SLC8A3: variants seen among roughly 807,000 people sequenced by gnomAD.
SLC8A3 encodes the protein solute carrier family 8 member A3, also known as sodium/calcium exchanger 3.
In SLC8A3, 37 loss-of-function variants were observed where a neutral mutation model predicts 65.4. The observed-to-expected ratio is 0.57, with a 90% CI of 0.44 to 0.74. SLC8A3 has a LOEUF of 0.74. Ranked by LOEUF, SLC8A3 falls within the 30% of genes least tolerant of loss-of-function variation. The pLI, the probability that SLC8A3 is intolerant of heterozygous loss-of-function variation, is 0.00. For missense variants in SLC8A3, 1,112 were observed against 1,172.1 expected (o/e 0.95, Z 0.75); for synonymous variants, 461 against 444.5 (o/e 1.04, Z -0.47).
At chr14:70,140,902 C>T (rs766751454) in intron 2 of SLC8A3, among the ~76,000 whole-genome samples, 3 of 152,164 alleles carry the variant, frequency 2.0e-5, no homozygotes, top group Non-Finnish European at 2.9e-5. Context: ...AGACTATAAG[C>T]TACTTAAAAG....
intron 2 of SLC8A3, among the ~76,000 whole-genome samples, chr14:70,093,655 G>A (rs1891953655): frequency 6.6e-6 from 1 of 152,172 alleles, no homozygotes; most frequent in Admixed American, 6.5e-5. Flanking sequence ...TCAAGAACTG[G>A]CCTCATGCAC....
chr14:70,054,799 T>G (rs887425371), intron 3 of SLC8A3, among the ~76,000 whole-genome samples: 2 of 152,190 alleles, frequency 1.3e-5, no homozygotes, highest in African/African-American at 4.8e-5. Context: ...GTCCTTACTA[T>G]GTACACCGCC....
At chr14:70,148,012 A>G (rs1896042153) in intron 2 of SLC8A3, among the ~76,000 whole-genome samples, 1 of 152,202 alleles carries the variant, frequency 6.6e-6, no homozygotes, top group Non-Finnish European at 1.5e-5. Flanking sequence ...ACAATTTTTG[A>G]AGTTTATGAT....
At chr14:70,126,588 A>T (rs1894472418) in intron 2 of SLC8A3, among the ~76,000 whole-genome samples, 2 of 151,498 alleles carry the variant, frequency 1.3e-5, no homozygotes, top group Non-Finnish European at 1.5e-5. Flanking sequence ...ACACACACAC[A>T]CACACACACA....
chr14:70,080,482 T>C (rs1890957882), intron 2 of SLC8A3, among the ~76,000 whole-genome samples: 1 of 152,164 alleles, frequency 6.6e-6, no homozygotes, highest in Non-Finnish European at 1.5e-5. Flanking sequence ...TGTTGAAAAC[T>C]GCTCGCTACA....
chr14:70,140,325 C>T (rs935972654), intron 2 of SLC8A3, among the ~76,000 whole-genome samples: 3 of 152,202 alleles, frequency 2.0e-5, no homozygotes, highest in Admixed American at 6.5e-5. Flanking sequence ...TCACTGCACA[C>T]TTACAGCGGC....
At chr14:70,076,249 T>C (rs1421705994) in intron 2 of SLC8A3, among the ~76,000 whole-genome samples, 1 of 152,190 alleles carries the variant, frequency 6.6e-6, no homozygotes, top group African/African-American at 2.4e-5. Context: ...CACCACCTTG[T>C]CTGCCCGGTC....
chr14:70,110,685 T>C (rs1169078491), intron 2 of SLC8A3, among the ~76,000 whole-genome samples: 1 of 133,978 alleles, frequency 7.5e-6, no homozygotes, highest in African/African-American at 3.4e-5. Context: ...TTTTTTTTTT[T>C]TTTTTTTTTT....
intron 2 of SLC8A3, among the ~76,000 whole-genome samples, chr14:70,098,127 T>A (rs1306864002): frequency 6.6e-6 from 1 of 152,046 alleles, no homozygotes; most frequent in Non-Finnish European, 1.5e-5. Flanking sequence ...GAAAGGGAGA[T>A]CAGAGGTTCC....
chr14:70,167,485 C>G lies in SLC8A3; in HGVS notation c.938G>C (p.Arg313Pro). Residue 313 changes from arginine (R) to proline (P), a missense_variant, in exon 2 of 7, where the codon CGC becomes CCC. By Grantham distance (103) the Arg-to-Pro change is moderately radical. Coordinates refer to ENST00000356921, the MANE Select transcript of SLC8A3 (RefSeq NM_182932.3). ...CTTGAGAATCCGGATCATCTCTCTG[C>G]GGGACTCATCCACTTCCTTCCCTTC... ...PLEGKEVDES[R>P]REMIRILKDL... 1 of 1,614,058 alleles carries G rather than the reference C, an allele frequency of 6.2e-7. No individual in the cohort carries two copies. The highest frequency in any genetic ancestry group is 8.5e-7 in the Non-Finnish European group (1 of 1,180,010).
chr14:70,144,312 T>G (rs1226879873), intron 2 of SLC8A3, among the ~76,000 whole-genome samples: 5 of 50,510 alleles, frequency 9.9e-5, no homozygotes, highest in African/African-American at 4.9e-4. Context: ...CTTCCTGTTT[T>G]TTTTTTTTTT....
At chr14:70,134,626 C>T (rs1410573908) in intron 2 of SLC8A3, among the ~76,000 whole-genome samples, 1 of 152,170 alleles carries the variant, frequency 6.6e-6, no homozygotes, top group Admixed American at 6.5e-5. Flanking sequence ...CTGCTATCAC[C>T]TTAGTTCTGC....
intron 2 of SLC8A3, among the ~76,000 whole-genome samples, chr14:70,124,960 T>C (rs984589542): frequency 1.3e-5 from 2 of 152,240 alleles, no homozygotes; most frequent in African/African-American, 4.8e-5. Flanking sequence ...GTCTTTTATA[T>C]TAGTTTGAAA....
At chr14:70,137,148 TC>T (rs1325811964) in intron 2 of SLC8A3, among the ~76,000 whole-genome samples, 1 of 143,336 alleles carries the variant, frequency 7.0e-6, no homozygotes, top group Non-Finnish European at 1.5e-5. Flanking sequence ...TGTTTATATA[TC>T]TTTTTTTTTT....
chr14:70,101,890 G>A (rs1238539538), intron 2 of SLC8A3, among the ~76,000 whole-genome samples: 2 of 152,192 alleles, frequency 1.3e-5, no homozygotes, highest in African/African-American at 4.8e-5. Flanking sequence ...TAGCTCCCCT[G>A]AGAAGGCAGA....
chr14:70,156,963 T>C (rs916895310), intron 2 of SLC8A3, among the ~76,000 whole-genome samples: 1 of 152,154 alleles, frequency 6.6e-6, no homozygotes, highest in Non-Finnish European at 1.5e-5. Context: ...AGAGGATAGA[T>C]CAGAGAAAAA....
intron 2 of SLC8A3, among the ~76,000 whole-genome samples, chr14:70,075,076 A>G (rs1440096181): frequency 6.6e-6 from 1 of 152,202 alleles, no homozygotes; most frequent in Non-Finnish European, 1.5e-5. Context: ...AACAAAAAAA[A>G]TACAACTCTT....
chr14:70,145,714 C>T (rs1449983071), intron 2 of SLC8A3, among the ~76,000 whole-genome samples: 4 of 152,158 alleles, frequency 2.6e-5, no homozygotes, highest in East Asian at 1.9e-4. Flanking sequence ...ATGAAAGAAA[C>T]GTATAAACTC....
chr14:70,183,294 A>G (rs1328467630), intron 1 of SLC8A3, among the ~76,000 whole-genome samples: 1 of 152,212 alleles, frequency 6.6e-6, no homozygotes, highest in Non-Finnish European at 1.5e-5. Flanking sequence ...TGTATGCCAT[A>G]TCCAAGTACC....
Sources: allele counts gnomAD v4.1 joint callset (sites outside exome capture counted in the v4.1 genomes callset), GRCh38; gene constraint gnomAD v4.1.1; transcripts MANE v1.5; gene names NCBI Gene and HGNC (gene_info 2026-07-23, HGNC 2026-07-21).